The following IFT74 variants were observed in gnomAD, a reference collection of about 807,000 sequenced individuals.
The protein encoded by IFT74 is intraflagellar transport protein 74 homolog.
Under a neutral mutation model 96.7 loss-of-function variants are expected in IFT74, and 92 were observed. The observed-to-expected ratio is 0.95, with a 90% CI of 0.80 to 1.13. The LOEUF is 1.13. Ranked by LOEUF, IFT74 falls within the 50% of genes most tolerant of loss-of-function variation. The pLI is 0.00. For missense variants in IFT74, 811 were observed against 698.2 expected (o/e 1.16, Z -1.82); for synonymous variants, 223 against 213.2 (o/e 1.05, Z -0.40).
intron 2 of IFT74, among the ~76,000 whole-genome samples, chr9:26,962,556 G>T (rs918057839): frequency 3.9e-5 from 6 of 152,122 alleles, no homozygotes; most frequent in African/African-American, 1.4e-4. Flanking sequence ...AAATTAGTTG[G>T]CAAAACATGG....
At chr9:26,976,620 T>G (rs1218550213) in intron 2 of IFT74, 7 of 388,616 alleles carry the variant, frequency 1.8e-5, no homozygotes, top group Non-Finnish European at 3.5e-5. Context: ...AGGAAAGGAA[T>G]GTGAGCTGGG....
At chr9:27,058,683 C>T (rs979485456) in intron 18 of IFT74, among the ~76,000 whole-genome samples, 2 of 152,208 alleles carry the variant, frequency 1.3e-5, no homozygotes, top group African/African-American at 2.4e-5. Flanking sequence ...CCACCACACT[C>T]GGCCTTTGGT....
intron 16 of IFT74, among the ~76,000 whole-genome samples, chr9:27,055,184 T>C (rs1054955712): frequency 1.3e-5 from 2 of 152,120 alleles, no homozygotes; most frequent in Admixed American, 6.5e-5. Context: ...CTACCACAGA[T>C]AGTAAGAGTT....
At chr9:27,021,588 A>G (rs957334945) in intron 12 of IFT74, among the ~76,000 whole-genome samples, 1 of 152,098 alleles carries the variant, frequency 6.6e-6, no homozygotes, top group Admixed American at 6.5e-5. Flanking sequence ...AATGATGTTG[A>G]GCATCATTTC....
chr9:27,029,516 G>C (rs1830023678), intron 13 of IFT74, among the ~76,000 whole-genome samples: 1 of 152,056 alleles, frequency 6.6e-6, no homozygotes, highest in African/African-American at 2.4e-5. Context: ...GGGAAGCTGA[G>C]GCGGGCAGAT....
intron 7 of IFT74, among the ~76,000 whole-genome samples, chr9:26,988,985 T>TA (rs1256470747): frequency 1.3e-5 from 2 of 152,152 alleles, no homozygotes; most frequent in Non-Finnish European, 2.9e-5. Context: ...CAACATTAGT[T>TA]AGGGAGTGCC....
At chr9:26,976,953 T>C (rs987480745) in intron 2 of IFT74, among the ~76,000 whole-genome samples, 9 of 152,320 alleles carry the variant, frequency 5.9e-5, no homozygotes, top group Middle Eastern at 3.4e-3. Context: ...TTAGGATGGA[T>C]TTATATCCAT....
intron 18 of IFT74, among the ~76,000 whole-genome samples, chr9:27,057,404 A>C (rs140517128): frequency 6.6e-6 from 1 of 151,580 alleles, no homozygotes; most frequent in African/African-American, 2.4e-5. Context: ...GTTGGCACAT[A>C]GTAGGTACTC....
intron 3 of IFT74, among the ~76,000 whole-genome samples, chr9:26,979,264 C>G (rs1487298942): frequency 6.6e-6 from 1 of 151,576 alleles, no homozygotes; most frequent in Non-Finnish European, 1.5e-5. Context: ...ATTATCAGTA[C>G]CATGAAAAAA....
At chr9:26,982,397 T>A in intron 4 of IFT74, 1 of 437,390 alleles carries the variant, frequency 2.3e-6, no homozygotes, top group Non-Finnish European at 4.6e-6. Context: ...GTGCCTGTAA[T>A]CTGCAAGTAG....
At chr9:27,029,641 G>A (rs10812515) in intron 13 of IFT74, among the ~76,000 whole-genome samples, 46,962 of 152,030 alleles carry the variant, frequency 0.31, 8,203 homozygotes, top group East Asian at 0.7. Context: ...CCAGCTATTC[G>A]GAAAGGCTGA....
At position 27,063,998 on chromosome 9, in the gene IFT74, CGTT is replaced by C. The variant is rs533338416; in HGVS notation, c.*1265_*1267del. 8.2e-3 allele frequency among the ~76,000 whole-genome samples: 1,251 copies of C among 152,140 alleles called. 16 individuals are homozygous for C. The highest frequency in any genetic ancestry group is 0.028 in the African/African-American group (1,148 of 41,550). ...TTCATGGTCAAAGAAGTTTGGGAAA[CGTT>C]GTCTGAAACAAAGGTGAATTATTTT... On this transcript the variant is annotated 3_prime_UTR_variant, in exon 20 of 20. Transcript: ENST00000380062.
chr9:27,036,347 A>G (rs1819185087), intron 13 of IFT74: 1 of 1,424,284 alleles, frequency 7.0e-7, no homozygotes, highest in East Asian at 2.7e-5. Context: ...GTGAAACCTA[A>G]TGCCAAAGTT....
At chr9:26,997,653 G>T in intron 8 of IFT74, 1 of 1,459,138 alleles carries the variant, frequency 6.9e-7, no homozygotes, top group Non-Finnish European at 9.2e-7. Context: ...TCTTTAAAAC[G>T]TGATATGAGA....
intron 9 of IFT74, among the ~76,000 whole-genome samples, chr9:27,011,066 A>G (rs1054675974): frequency 2.6e-5 from 4 of 152,184 alleles, no homozygotes; most frequent in African/African-American, 9.6e-5. Context: ...TGGCCTGGCC[A>G]AGATGGTGAA....
chr9:27,057,003 T>G (rs1274294287), intron 18 of IFT74, among the ~76,000 whole-genome samples: 1 of 152,108 alleles, frequency 6.6e-6, no homozygotes, highest in Non-Finnish European at 1.5e-5. Context: ...TAGGAGCTTG[T>G]TTTTCATGAT....
intron 13 of IFT74, among the ~76,000 whole-genome samples, chr9:27,032,801 G>T (rs758591441): frequency 1.3e-5 from 2 of 151,962 alleles, no homozygotes; most frequent in Non-Finnish European, 2.9e-5. Context: ...GGGAGGCAGA[G>T]GTTGCAGTAA....
At chr9:26,974,954 G>A (rs575325375) in intron 2 of IFT74, among the ~76,000 whole-genome samples, 2 of 152,264 alleles carry the variant, frequency 1.3e-5, no homozygotes, top group African/African-American at 4.8e-5. Flanking sequence ...GGTGTGGAGG[G>A]AAATGGGAAA....
intron 8 of IFT74, chr9:26,999,766 TA>T (rs371792375): frequency 1.5e-5 from 16 of 1,090,086 alleles, no homozygotes; most frequent in South Asian, 1.7e-5. Context: ...TGAATCTGTT[TA>T]TTCTTTTTTT....
Sources: gnomAD v4.1 joint callset for allele counts (sites outside exome capture counted in the v4.1 genomes callset) on GRCh38, gnomAD v4.1.1 for gene constraint, MANE v1.5 for transcripts, NCBI Gene and HGNC (gene_info 2026-07-23, HGNC 2026-07-21) for gene names.